The following PRICKLE1 variants were observed in gnomAD, a reference collection of about 807,000 sequenced individuals.
The protein encoded by PRICKLE1 is prickle planar cell polarity protein 1.
PRICKLE1 carries 14 observed loss-of-function variants against 70.2 expected under a neutral mutation model. The observed-to-expected ratio is 0.20, with a 90% CI of 0.13 to 0.31. PRICKLE1 has a LOEUF of 0.31. Among genes scored for constraint, PRICKLE1 ranks in the 10% least tolerant of loss-of-function variants. The pLI, the probability that PRICKLE1 is intolerant of heterozygous loss-of-function variation, is 1.00. For synonymous variants in PRICKLE1, 357 were observed against 379.9 expected (o/e 0.94, Z 0.70); for missense variants, 821 against 1,026.2 (o/e 0.80, Z 2.73).
intron 1 of PRICKLE1, among the ~76,000 whole-genome samples, chr12:42,518,591 C>G (rs1939651000): frequency 6.6e-6 from 1 of 152,170 alleles, no homozygotes; most frequent in African/African-American, 2.4e-5. Flanking sequence ...GCTCAATGAT[C>G]CTTAATTTTC....
chr12:42,481,202 A>ATG (rs1938779940), intron 1 of PRICKLE1, among the ~76,000 whole-genome samples: 2 of 152,226 alleles, frequency 1.3e-5, no homozygotes, highest in Admixed American at 6.5e-5. Context: ...TTGTAACTGT[A>ATG]TATCAGGTCT....
intron 1 of PRICKLE1, among the ~76,000 whole-genome samples, chr12:42,559,578 G>A (rs1940465815): frequency 7.1e-6 from 1 of 141,546 alleles, no homozygotes; most frequent in Non-Finnish European, 1.5e-5. Context: ...ATATATATAT[G>A]TGTGTGTTTA....
chr12:42,547,525 T>C (rs1248086569), intron 1 of PRICKLE1, among the ~76,000 whole-genome samples: 1 of 152,224 alleles, frequency 6.6e-6, no homozygotes, highest in African/African-American at 2.4e-5. Context: ...TGTGTGTTTC[T>C]GGACAGGTCA....
At position 42,535,191 on chromosome 12, in the gene PRICKLE1, C is replaced by T. The variant is rs545276860; in HGVS notation, c.-49+54274G>A. ...AATTATTGAGGAAGATACAAACTTA[C>T]AGCTGCTGGTGTGCACACCTGCTCC... On this transcript the variant is annotated intron_variant, in intron 1 of 7. Transcript: ENST00000345127. Among the ~76,000 whole-genome samples, 212 of 152,296 alleles carry T rather than the reference C, an allele frequency of 1.4e-3. 1 individual carries two copies. The highest frequency in any genetic ancestry group is 4.6e-3 in the African/African-American group (191 of 41,566).
intron 5 of PRICKLE1, among the ~76,000 whole-genome samples, chr12:42,468,308 A>G (rs999925082): frequency 1.3e-5 from 2 of 152,212 alleles, no homozygotes; most frequent in African/African-American, 4.8e-5. Context: ...CATCTACTAC[A>G]TGCTCTTCTG....
intron 1 of PRICKLE1, among the ~76,000 whole-genome samples, chr12:42,504,431 C>T (rs2406683): frequency 0.75 from 113,974 of 152,150 alleles, 42,978 homozygotes; most frequent in Admixed American, 0.81. Flanking sequence ...ACGGAACTAG[C>T]GTTGCTCTGG....
intron 1 of PRICKLE1, among the ~76,000 whole-genome samples, chr12:42,475,958 G>A (rs1445026608): frequency 1.3e-5 from 2 of 151,452 alleles, no homozygotes; most frequent in Admixed American, 1.3e-4. Context: ...AAGTCAGCTG[G>A]GCGTGGTGGT....
Position 42,472,409 on chromosome 12 carries a change from G to A in PRICKLE1, c.108C>T (p.Val36=), listed in dbSNP as rs147268650. The change falls in exon 2 of 8, where the codon GTC becomes GTT. Residue 36 remains valine, a synonymous_variant. Coordinates refer to ENST00000345127, the MANE Select transcript of PRICKLE1 (RefSeq NM_153026.3). ...CCTGCTCTGGTCTCAGGCCCGGGGG[G>A]ACCCAGGCGTACTCCTCCAATGCAC... ...SGCALEEYAW[V]PPGLRPEQIQ... is the part of the protein sequence containing the mutation. The A allele has an allele frequency of 4.6e-3, 7,345 of 1,614,088 alleles. 24 individuals are homozygous for A. The highest frequency in any genetic ancestry group is 5.8e-3 in the Middle Eastern group (35 of 6,062).
intron 1 of PRICKLE1, among the ~76,000 whole-genome samples, chr12:42,529,880 G>A (rs1476219636): frequency 6.6e-6 from 1 of 151,288 alleles, no homozygotes; most frequent in Non-Finnish European, 1.5e-5. Context: ...AACAGAGTGA[G>A]ACCTTATCAA....
intron 1 of PRICKLE1, among the ~76,000 whole-genome samples, chr12:42,542,406 T>C (rs1182943629): frequency 6.6e-6 from 1 of 152,162 alleles, no homozygotes; most frequent in Non-Finnish European, 1.5e-5. Flanking sequence ...ATCCCAGCAT[T>C]TTGGGAGGCC....
intron 1 of PRICKLE1, among the ~76,000 whole-genome samples, chr12:42,474,648 A>G (rs1355683327): frequency 1.3e-5 from 2 of 152,150 alleles, no homozygotes; most frequent in African/African-American, 4.8e-5. Context: ...GAGTCAGAAA[A>G]TGTCTTGGAT....
At chr12:42,579,991 C>T (rs1940871974) in intron 1 of PRICKLE1, among the ~76,000 whole-genome samples, 1 of 152,072 alleles carries the variant, frequency 6.6e-6, no homozygotes, top group African/African-American at 2.4e-5. Flanking sequence ...CCTGCTTCAG[C>T]CTCCTGGGTA....
At chr12:42,559,350 A>G (rs1242044584) in intron 1 of PRICKLE1, among the ~76,000 whole-genome samples, 2 of 152,120 alleles carry the variant, frequency 1.3e-5, no homozygotes, top group African/African-American at 4.8e-5. Context: ...TTGCCATGCT[A>G]ACAGAAATAT....
chr12:42,520,202 T>A (rs1939685507), intron 1 of PRICKLE1, among the ~76,000 whole-genome samples: 1 of 152,216 alleles, frequency 6.6e-6, no homozygotes, highest in African/African-American at 2.4e-5. Context: ...GTGGTGGATG[T>A]GGGATAGTTA....
At chr12:42,522,745 C>G (rs1004304161) in intron 1 of PRICKLE1, among the ~76,000 whole-genome samples, 2 of 152,058 alleles carry the variant, frequency 1.3e-5, no homozygotes, top group African/African-American at 4.8e-5. Context: ...TTGTTTTTTC[C>G]ATTAGCAAAT....
At chr12:42,536,096 C>G (rs972275833) in intron 1 of PRICKLE1, among the ~76,000 whole-genome samples, 4 of 152,122 alleles carry the variant, frequency 2.6e-5, no homozygotes, top group African/African-American at 9.7e-5. Flanking sequence ...ACCCACTGAA[C>G]AGTGTGATGA....
intron 1 of PRICKLE1, among the ~76,000 whole-genome samples, chr12:42,481,451 TC>T (rs1163469953): frequency 1.3e-5 from 2 of 152,158 alleles, no homozygotes; most frequent in Non-Finnish European, 2.9e-5. Context: ...AAGTTAGAAA[TC>T]CTCTGATCAC....
intron 1 of PRICKLE1, among the ~76,000 whole-genome samples, chr12:42,505,137 TCAAAAAA>T (rs968230745): frequency 1.2e-4 from 19 of 152,044 alleles, no homozygotes; most frequent in South Asian, 4.1e-4. Context: ...AGACTCCATC[TCAAAAAA>T]CAAAAAACAA....
At chr12:42,573,278 A>G (rs1566132523) in intron 1 of PRICKLE1, among the ~76,000 whole-genome samples, 2 of 152,196 alleles carry the variant, frequency 1.3e-5, no homozygotes, top group Non-Finnish European at 2.9e-5. Context: ...GGACCACTAC[A>G]AGATGTGCTT....
Sources: gnomAD v4.1 joint callset for allele counts (sites outside exome capture counted in the v4.1 genomes callset) on GRCh38, gnomAD v4.1.1 for gene constraint, MANE v1.5 for transcripts, NCBI Gene and HGNC (gene_info 2026-07-23, HGNC 2026-07-21) for gene names.